The following PAH variants were observed in gnomAD, a reference collection of about 807,000 sequenced individuals.
The protein encoded by PAH is phenylalanine-4-hydroxylase.
Under a neutral mutation model 62.0 loss-of-function variants are expected in PAH, and 64 were observed. That is an observed-to-expected ratio of 1.03 (90% confidence interval 0.84 to 1.27). The LOEUF (loss-of-function observed/expected upper bound fraction) is 1.27, where lower values mean the gene tolerates loss of function less well. Ranked by LOEUF, PAH falls within the 50% of genes most tolerant of loss-of-function variation. The pLI, the probability that PAH is intolerant of heterozygous loss-of-function variation, is 0.00. For synonymous variants in PAH, 195 were observed against 196.2 expected, an observed-to-expected ratio of 0.99 and a Z score of 0.05; for missense variants, 579 against 542.8, an observed-to-expected ratio of 1.07 and a Z score of -0.66.
At chr12:102,877,880 G>T (rs946028985) in intron 3 of PAH, among the ~76,000 whole-genome samples, 7 of 152,128 alleles carry the variant, frequency 4.6e-5, no homozygotes, top group Non-Finnish European at 1.0e-4. Context: ...CTGGAGTACA[G>T]TTGCATGTGA....
chr12:102,936,376 C>A (rs1438825684), intron 1 of PAH, among the ~76,000 whole-genome samples: 1 of 152,098 alleles, frequency 6.6e-6, no homozygotes, highest in Non-Finnish European at 1.5e-5. Context: ...ATGAAATGTT[C>A]TGTAAATATC....
chr12:102,854,552 C>G (rs1396343408), intron 6 of PAH: 1 of 182,592 alleles, frequency 5.5e-6, no homozygotes, highest in Non-Finnish European at 1.1e-5. Context: ...ATATGCAAGA[C>G]TGTGCTGGTT....
At chr12:102,951,234 G>A (rs184932268), upstream of PAH, among the ~76,000 whole-genome samples, 439 of 152,282 alleles carry the variant, frequency 2.9e-3, 4 homozygotes, top group African/African-American at 9.9e-3. Flanking sequence ...GCGCACTTTC[G>A]GGAACCTGCA....
chr12:102,851,884 A>G, intron 7 of PAH, 128 bp from the exon 8 acceptor site: 1 of 724,278 alleles, frequency 1.4e-6, no homozygotes, highest in Non-Finnish European at 2.5e-6. Flanking sequence ...TCCCTCTCCC[A>G]GGAATAAGTG....
intron 1 of PAH, among the ~76,000 whole-genome samples, chr12:102,914,950 G>A (rs867768712): frequency 6.6e-6 from 1 of 152,062 alleles, no homozygotes; most frequent in Non-Finnish European, 1.5e-5. Context: ...GGCCTGCATC[G>A]ATCCAGCCTG....
rs1251784003 is a variant in PAH, at chr12:102,840,435, G to A, written c.1280C>T (p.Thr427Ile). Reference protein sequence around the residue: ...YTQRIEVLDNTQQLKILADSI... With the variant: ...YTQRIEVLDNIQQLKILADSI... The stretch of plus-strand genomic sequence containing the variant: ...ATCAGCCAAAATCTTAAGCTGCTGG[G>A]TATTGTCCAAGACCTCAATCCTTTG... The change falls in exon 12 of 13, where the codon ACC (threonine) becomes ATC (isoleucine). Residue 427 changes from threonine to isoleucine, a missense_variant. Coordinates refer to ENST00000553106, the MANE Select transcript of PAH (RefSeq NM_000277.3). 2 of 1,613,710 alleles carry A rather than the reference G, an allele frequency of 1.2e-6. No individual in the cohort carries two copies. The highest frequency in any genetic ancestry group is 2.7e-5 in the African/African-American group (2 of 74,894).
At chr12:102,938,906 G>A (rs35373786) in intron 1 of PAH, among the ~76,000 whole-genome samples, 335 of 152,252 alleles carry the variant, frequency 2.2e-3, no homozygotes, top group Non-Finnish European at 3.9e-3. Flanking sequence ...TTCAGTTGGT[G>A]GTGGCTGTGC....
chr12:102,854,679 G>C (rs986573623), intron 6 of PAH: 1 of 245,000 alleles, frequency 4.1e-6, no homozygotes, highest in Non-Finnish European at 8.0e-6. Context: ...CTCAGCTGGA[G>C]AGGATTGAAG....
chr12:102,909,778 G>A (rs2136723811), intron 2 of PAH, among the ~76,000 whole-genome samples: 2 of 152,262 alleles, frequency 1.3e-5, no homozygotes, highest in Middle Eastern at 3.4e-3. Context: ...GGGCAACATG[G>A]TGAAACCCTG....
upstream of PAH, among the ~76,000 whole-genome samples, chr12:102,953,060 G>T (rs1394404352): frequency 3.3e-5 from 5 of 152,164 alleles, no homozygotes; most frequent in African/African-American, 1.2e-4. Flanking sequence ...CACAGCCTTA[G>T]AACAGCAGAC....
chr12:102,900,752 A>AAT (rs1432036938), intron 2 of PAH, among the ~76,000 whole-genome samples: 1 of 152,210 alleles, frequency 6.6e-6, no homozygotes, highest in African/African-American at 2.4e-5. Flanking sequence ...TACAAGCCTG[A>AAT]TTAGGATCAT....
At chr12:102,857,795 T>G (rs10745953) in intron 5 of PAH, among the ~76,000 whole-genome samples, 152,130 of 152,262 alleles carry the variant, frequency 1, 75,999 homozygotes, top group Middle Eastern at 1. Context: ...GTCACCACCA[T>G]GCCTGCCCTA....
At chr12:102,847,025 T>A in intron 8 of PAH, 74 bp from the exon 9 acceptor site, 1 of 1,277,842 alleles carries the variant, frequency 7.8e-7, no homozygotes, top group Non-Finnish European at 1.1e-6. Context: ...TACTTGGCCA[T>A]AAAAAGGTGA....
intron 1 of PAH, among the ~76,000 whole-genome samples, chr12:102,915,511 G>C (rs1201324812): frequency 6.6e-6 from 1 of 152,198 alleles, no homozygotes; most frequent in African/African-American, 2.4e-5. Context: ...TTCTTGCAAA[G>C]TAAAAGATTT....
At chr12:102,889,444 TA>T (rs536823905) in intron 3 of PAH, among the ~76,000 whole-genome samples, 2 of 142,326 alleles carry the variant, frequency 1.4e-5, no homozygotes, top group Admixed American at 7.0e-5. Context: ...GATAGATAGA[TA>T]GATAGATGAT....
chr12:102,903,532 T>C (rs574950447), intron 2 of PAH, among the ~76,000 whole-genome samples: 14 of 152,312 alleles, frequency 9.2e-5, no homozygotes, highest in Non-Finnish European at 1.5e-4. Context: ...TCACTGGGTA[T>C]CTGATGAGAT....
intron 3 of PAH, among the ~76,000 whole-genome samples, chr12:102,892,090 C>T (rs1390079746): frequency 1.3e-5 from 2 of 152,206 alleles, no homozygotes; most frequent in Non-Finnish European, 2.9e-5. Flanking sequence ...GCCTGCCCTC[C>T]AGGGACCTGA....
At position 102,838,329 on chromosome 12, in the gene PAH, A is replaced by G. The variant is rs1458127240; in HGVS notation, c.*846T>C. 6.6e-6 allele frequency: 1 copy of G among 152,244 alleles called. No individual in the cohort carries two copies. Among genetic ancestry groups the G allele is most frequent in the African/African-American group, 2.4e-5 (1 of 41,458 alleles). 9.4% of individuals were successfully genotyped at this position (152,244 alleles called of 1,614,324 possible). ...TAACTGAAACAGTGAAATTGTTTAA[A>G]CTACTAATGTTTTATTACTAATACA... On this transcript the variant is annotated 3_prime_UTR_variant, in exon 13 of 13. Transcript: ENST00000553106.
chr12:102,885,689 G>T (rs1263416959), intron 3 of PAH, among the ~76,000 whole-genome samples: 1 of 152,152 alleles, frequency 6.6e-6, no homozygotes, highest in South Asian at 2.1e-4. Flanking sequence ...GACCCCCCAG[G>T]CCTGGCCAGA....
Sources: gnomAD v4.1 joint callset for allele counts (sites outside exome capture counted in the v4.1 genomes callset) on GRCh38, gnomAD v4.1.1 for gene constraint, MANE v1.5 for transcripts, NCBI Gene and HGNC (gene_info 2026-07-23, HGNC 2026-07-21) for gene names.